Variants in MYRIP observed in about 807,000 individuals in gnomAD.
The protein encoded by MYRIP is rab effector MyRIP.
MYRIP carries 49 observed loss-of-function variants against 98.0 expected under a neutral mutation model. The observed-to-expected ratio is 0.50, with a 90% CI of 0.40 to 0.63. The LOEUF is 0.63. MYRIP is among the 30% of genes least tolerant of loss of function. The pLI is 0.00. For missense variants in MYRIP, 1,004 were observed against 1,058.2 expected (o/e 0.95, Z 0.71); for synonymous variants, 404 against 409.5 (o/e 0.99, Z 0.16).
At chr3:40,215,179 C>G (rs930132886) in intron 11 of MYRIP, among the ~76,000 whole-genome samples, 1 of 152,006 alleles carries the variant, frequency 6.6e-6, no homozygotes, top group Non-Finnish European at 1.5e-5. Flanking sequence ...TATTAAGAGT[C>G]TTTGTTTATT....
At chr3:39,862,118 AC>A (rs1209203550) in intron 1 of MYRIP, among the ~76,000 whole-genome samples, 1 of 152,204 alleles carries the variant, frequency 6.6e-6, no homozygotes, top group Non-Finnish European at 1.5e-5. Flanking sequence ...TACAAAGGGA[AC>A]CCCATCAGGC....
At chr3:40,177,713 C>T (rs1471082482) in intron 8 of MYRIP, among the ~76,000 whole-genome samples, 1 of 152,174 alleles carries the variant, frequency 6.6e-6, no homozygotes, top group Non-Finnish European at 1.5e-5. Flanking sequence ...GGTGTTATAA[C>T]TCATTTCATG....
At chr3:40,206,521 A>G (rs1207277743) in intron 10 of MYRIP, among the ~76,000 whole-genome samples, 1 of 152,144 alleles carries the variant, frequency 6.6e-6, no homozygotes, top group African/African-American at 2.4e-5. Flanking sequence ...CCATTCTTTA[A>G]GATTTGCTCA....
At chr3:40,206,599 G>A (rs570426850) in intron 10 of MYRIP, among the ~76,000 whole-genome samples, 1 of 152,214 alleles carries the variant, frequency 6.6e-6, no homozygotes, top group East Asian at 1.9e-4. Context: ...CCCTTCCTCT[G>A]AGTCTCATCA....
chr3:39,900,979 G>GT, intron 2 of MYRIP, 53 bp downstream of exon 2: 1 of 1,384,074 alleles, frequency 7.2e-7, no homozygotes, highest in Non-Finnish European at 1.0e-6. Context: ...GTGGACAAGC[G>GT]TAACAGGTTT....
intron 1 of MYRIP, among the ~76,000 whole-genome samples, chr3:39,875,794 G>A (rs906703404): frequency 1.4e-4 from 21 of 151,702 alleles, no homozygotes; most frequent in African/African-American, 5.1e-4. Flanking sequence ...GTGTGGTGTG[G>A]TGCTGAAAAA....
chr3:40,099,781 A>G (rs1368332745), intron 3 of MYRIP, among the ~76,000 whole-genome samples: 1 of 152,240 alleles, frequency 6.6e-6, no homozygotes, highest in Non-Finnish European at 1.5e-5. Flanking sequence ...AGCACATGAT[A>G]AAACCATGTC....
At chr3:40,099,312 T>C (rs2125890273) in intron 3 of MYRIP, among the ~76,000 whole-genome samples, 1 of 152,362 alleles carries the variant, frequency 6.6e-6, no homozygotes, top group Admixed American at 6.5e-5. Flanking sequence ...ACTTTGCAGA[T>C]GAGAGGGCAC....
chr3:40,221,581 A>T (rs1441980910), intron 11 of MYRIP, among the ~76,000 whole-genome samples: 1 of 152,216 alleles, frequency 6.6e-6, no homozygotes, highest in Non-Finnish European at 1.5e-5. Flanking sequence ...CAGTGAGCTG[A>T]TATTGTGCCA....
chr3:40,255,116 A>T (rs1953531756), intron 16 of MYRIP, among the ~76,000 whole-genome samples: 1 of 152,202 alleles, frequency 6.6e-6, no homozygotes, highest in Admixed American at 6.5e-5. Flanking sequence ...TTAAAGTCTA[A>T]TTCCCTTGCT....
At chr3:39,957,092 C>G (rs558679765) in intron 2 of MYRIP, among the ~76,000 whole-genome samples, 4 of 151,894 alleles carry the variant, frequency 2.6e-5, no homozygotes, top group East Asian at 3.9e-4. Flanking sequence ...CCGAATTCTA[C>G]CAGAGGTACA....
At chr3:39,842,589 A>G (rs1165932186) in intron 1 of MYRIP, among the ~76,000 whole-genome samples, 1 of 152,142 alleles carries the variant, frequency 6.6e-6, no homozygotes, top group African/African-American at 2.4e-5. Context: ...CCCTGGTGGT[A>G]TAGGCACCCA....
chr3:39,822,555 G>A (rs574765589), intron 1 of MYRIP, among the ~76,000 whole-genome samples: 9 of 152,222 alleles, frequency 5.9e-5, no homozygotes, highest in African/African-American at 2.2e-4. Context: ...GCCCAAGGAA[G>A]CCAAAAGATT....
intron 2 of MYRIP, among the ~76,000 whole-genome samples, chr3:40,031,068 A>G (rs1029947308): frequency 1.3e-5 from 2 of 152,156 alleles, no homozygotes; most frequent in Admixed American, 6.6e-5. Flanking sequence ...ACAAAATATC[A>G]TAGACTGGGT....
intron 2 of MYRIP, among the ~76,000 whole-genome samples, chr3:39,923,537 G>C (rs1368900428): frequency 6.6e-6 from 1 of 152,048 alleles, no homozygotes; most frequent in Admixed American, 6.6e-5. Flanking sequence ...GGGAAAAACT[G>C]TCAACTCAGA....
In MYRIP at chr3:39,923,930, T is replaced by C. The variant is rs192624452; in HGVS notation, c.110+23004T>C. Among the ~76,000 whole-genome samples the C allele has an allele frequency of 5.9e-4, 90 of 152,194 alleles. 1 individual carries two copies. The highest frequency in any genetic ancestry group is 5.0e-3 in the Admixed American group (77 of 15,288). On this transcript the variant is annotated intron_variant, in intron 2 of 16. Coordinates refer to ENST00000302541, the MANE Select transcript of MYRIP (RefSeq NM_015460.4). ...AAATCATTATACCAGTAGAGCATGA[T>C]GTATGTTATGGCTATAAAATGTCAT...
At chr3:39,994,349 G>A (rs1299364531) in intron 2 of MYRIP, among the ~76,000 whole-genome samples, 10 of 152,242 alleles carry the variant, frequency 6.6e-5, no homozygotes, top group East Asian at 1.9e-4. Context: ...CTAATACTGC[G>A]CTTTTCCTAT....
chr3:40,129,728 G>A (rs1455060143), intron 3 of MYRIP, among the ~76,000 whole-genome samples: 3 of 152,162 alleles, frequency 2.0e-5, no homozygotes, highest in African/African-American at 7.2e-5. Flanking sequence ...TGGGGAGGAA[G>A]GCCTGGGAAT....
Position 40,016,503 on chromosome 3 carries a change from A to T in MYRIP, c.111-27547A>T, listed in dbSNP as rs1946864884. ...GCCCAGCCCTCTTACTTCAGGTGGG[A>T]TAACTCTGTGCTGTAATCCATGCTC... On this transcript the variant is annotated intron_variant, in intron 2 of 16. Coordinates refer to ENST00000302541, the MANE Select transcript of MYRIP (RefSeq NM_015460.4). Among the ~76,000 whole-genome samples the T allele has an allele frequency of 2.0e-5, 3 of 152,282 alleles. No homozygotes were observed. In the South Asian group the frequency reaches 6.2e-4, roughly 32 times the overall value.
Sources: gnomAD v4.1 joint callset for allele counts (sites outside exome capture counted in the v4.1 genomes callset) on GRCh38, gnomAD v4.1.1 for gene constraint, MANE v1.5 for transcripts, NCBI Gene and HGNC (gene_info 2026-07-23, HGNC 2026-07-21) for gene names.